Variants in PTPRZ1 observed in about 807,000 individuals in gnomAD.
PTPRZ1 encodes protein tyrosine phosphatase receptor type Z1.
PTPRZ1 carries 82 observed loss-of-function variants against 214.1 expected under a neutral mutation model. That is an observed-to-expected ratio of 0.38 (90% CI 0.32 to 0.46). The LOEUF is 0.46. Among genes scored for constraint, PTPRZ1 ranks in the 20% least tolerant of loss-of-function variants. PTPRZ1 has a pLI of 1.00. For missense variants in PTPRZ1, 2,603 were observed against 2,748.7 expected, an observed-to-expected ratio of 0.95 and a Z score of 1.19; for synonymous variants, 945 against 987.9, an observed-to-expected ratio of 0.96 and a Z score of 0.81.
chr7:121,947,886 A>G (rs1454836309), intron 2 of PTPRZ1, among the ~76,000 whole-genome samples: 1 of 152,156 alleles, frequency 6.6e-6, no homozygotes, highest in Non-Finnish European at 1.5e-5. Context: ...AAACTGGGAC[A>G]CATGAAATGG....
At position 122,010,731 on chromosome 7, in the gene PTPRZ1, C is replaced by T. The variant is rs535885566; in HGVS notation, c.1685C>T (p.Thr562Ile). 2.5e-5 allele frequency: 40 copies of T among 1,613,942 alleles called. 1 individual carries two copies. In the South Asian group the frequency reaches 4.2e-4, roughly 17 times the overall value. Reference sequence around the variant, plus strand: ...TCGGGGACTGCAGAATCCTTAAATACAGTTTCTATAACAGAATATGAGGAG... The same window carrying T: ...TCGGGGACTGCAGAATCCTTAAATATAGTTTCTATAACAGAATATGAGGAG... ...NLSGTAESLN[T>I]VSITEYEEES... The change falls in exon 12 of 30, where the codon ACA becomes ATA. Residue 562 changes from threonine (T) to isoleucine (I), a missense_variant. Physicochemically the swap from Thr to Ile is moderately conservative, Grantham distance 89. Around this residue, in one of 6 missense-constraint regions of PTPRZ1, gnomAD observed 1,913 missense variants for 1,914.3 expected, o/e 1.00. Transcript: ENST00000393386.
intron 19 of PTPRZ1, 54 bp from the exon 20 acceptor site, chr7:122,039,400 C>T (rs1479824520): frequency 1.3e-6 from 2 of 1,587,866 alleles, no homozygotes; most frequent in East Asian, 4.5e-5. Flanking sequence ...CAGGGAATGA[C>T]TTTTACATGG....
chr7:121,977,473 T>C (rs1287004535), intron 6 of PTPRZ1, among the ~76,000 whole-genome samples: 2 of 152,200 alleles, frequency 1.3e-5, no homozygotes, highest in African/African-American at 4.8e-5. Context: ...ATTTTATTTT[T>C]ATTAAGCACT....
chr7:122,052,899 G>A lies in PTPRZ1; in HGVS notation c.6252+960G>A, dbSNP rs1584781148. ...CAGTTTGGTAAGTCTACAGCTAGAG[G>A]TGTGTTTTTAATGAAACTGTTCAAG... On this transcript the variant is annotated intron_variant, in intron 25 of 29. Coordinates refer to ENST00000393386, the MANE Select transcript of PTPRZ1 (RefSeq NM_002851.3). 3.9e-5 allele frequency among the ~76,000 whole-genome samples: 6 copies of A among 152,158 alleles called. No homozygotes were observed. In the South Asian group the frequency reaches 1.2e-3, roughly 32 times the overall value.
In PTPRZ1 at chr7:121,998,291, T is replaced by C. The variant is rs116557327; in HGVS notation, c.1240+285T>C. ...CATTGTAATAATCATTAAATGAAAA[T>C]TGCTATGTAAATGTTGAGACTGTTA... On this transcript the variant is annotated intron_variant, in intron 10 of 29. Transcript: ENST00000393386. Among the ~76,000 whole-genome samples the C allele has an allele frequency of 8.0e-3, 1,222 of 152,194 alleles. 11 individuals carry two copies. The highest frequency in any genetic ancestry group is 0.027 in the African/African-American group (1,134 of 41,524).
At chr7:122,027,212 G>A (rs1448330957) in intron 13 of PTPRZ1, among the ~76,000 whole-genome samples, 2 of 152,130 alleles carry the variant, frequency 1.3e-5, no homozygotes, top group Non-Finnish European at 2.9e-5. Context: ...GGAATGGCAA[G>A]AGTCAAGGCC....
intron 23 of PTPRZ1, among the ~76,000 whole-genome samples, chr7:122,049,291 T>A (rs1412812870): frequency 6.6e-6 from 1 of 152,050 alleles, no homozygotes; most frequent in African/African-American, 2.4e-5. Context: ...AGATAAGGAA[T>A]GTCAATTATT....
intron 1 of PTPRZ1, 138 bp downstream of exon 1, chr7:121,873,695 C>A: frequency 9.3e-7 from 1 of 1,078,188 alleles, no homozygotes; most frequent in Non-Finnish European, 1.4e-6. Context: ...TGGGCTCCCA[C>A]GGAGCGGGCG....
At chr7:122,057,175 A>G (rs1044356780) in intron 27 of PTPRZ1, among the ~76,000 whole-genome samples, 7 of 151,816 alleles carry the variant, frequency 4.6e-5, no homozygotes, top group Non-Finnish European at 8.8e-5. Flanking sequence ...ATCATCTTCA[A>G]CTTTCTTTAA....
intron 1 of PTPRZ1, among the ~76,000 whole-genome samples, chr7:121,894,605 T>C (rs1430846286): frequency 6.6e-6 from 1 of 152,038 alleles, no homozygotes; most frequent in Non-Finnish European, 1.5e-5. Context: ...ACGATTTTGC[T>C]ATGTTGCGTA....
rs201117894 is a variant in PTPRZ1 at position 122,010,948 on chromosome 7, A to G, written c.1902A>G (p.Ser634=). The change falls in exon 12 of 30, where the codon TCA becomes TCG. Residue 634 remains serine (S), a synonymous_variant. Transcript: ENST00000393386. Reference sequence around the variant, plus strand: ...CTGCTAGAAATGCTTCCGAAGATTCAACTTCATCAGGTTCAGAAGAATCAC... The same window carrying G: ...CTGCTAGAAATGCTTCCGAAGATTCGACTTCATCAGGTTCAGAAGAATCAC... ...PESARNASED[S]TSSGSEESLK... is the part of the protein sequence containing the mutation. The G allele has an allele frequency of 1.2e-6, 2 of 1,614,044 alleles. No homozygotes were observed. Among genetic ancestry groups the G allele is most frequent in the Non-Finnish European group, 1.7e-6 (2 of 1,180,026 alleles).
At chr7:121,900,630 T>C (rs1242839845) in intron 1 of PTPRZ1, among the ~76,000 whole-genome samples, 3 of 152,174 alleles carry the variant, frequency 2.0e-5, no homozygotes, top group Non-Finnish European at 2.9e-5. Context: ...ATCTCTAGGA[T>C]ATAGATAAGG....
rs1224805157 is a variant in PTPRZ1, at chr7:122,031,409, T to C, written c.5081-65T>C. 4 of 1,131,436 alleles carry C rather than the reference T, an allele frequency of 3.5e-6. No individual in the cohort carries two copies. In the African/African-American group the frequency reaches 4.6e-5, roughly 13 times the overall value. The allele number at this position is 1,131,436 out of a possible 1,614,324, so 70.1% of individuals were successfully genotyped here. On this transcript the variant is annotated intron_variant, in intron 14 of 29. Coordinates refer to ENST00000393386, the MANE Select transcript of PTPRZ1 (RefSeq NM_002851.3). Reference sequence around the variant, plus strand: ...TGAAGTTGTTTCAGAAGCTACTTTATAAGTGATAGGTACGTTTATTTCTGT... The same window carrying C: ...TGAAGTTGTTTCAGAAGCTACTTTACAAGTGATAGGTACGTTTATTTCTGT...
chr7:122,024,472 G>C (rs1296863530), intron 13 of PTPRZ1, among the ~76,000 whole-genome samples: 7 of 151,992 alleles, frequency 4.6e-5, no homozygotes, highest in Non-Finnish European at 1.0e-4. Flanking sequence ...AACCCAGAAT[G>C]GAGGTCTTCT....
At position 121,895,364 on chromosome 7, in the gene PTPRZ1, A is replaced by G. The variant is rs541915949; in HGVS notation, c.58+21807A>G. On this transcript the variant is annotated intron_variant, in intron 1 of 29. Coordinates refer to ENST00000393386, the MANE Select transcript of PTPRZ1 (RefSeq NM_002851.3). ...TAGATTATTGAATTGTAGGCTTTTA[A>G]GAAATAAGGGGACTTCCAGGAAGTT... Among the ~76,000 whole-genome samples the G allele has an allele frequency of 2.8e-4, 42 of 152,312 alleles. No individual in the cohort carries two copies. In the South Asian group the frequency reaches 6.6e-3, roughly 24 times the overall value.
intron 8 of PTPRZ1, 26 bp downstream of exon 8, chr7:121,984,143 C>T: frequency 7.0e-7 from 1 of 1,426,984 alleles, no homozygotes; most frequent in Non-Finnish European, 9.7e-7. Flanking sequence ...TAATCTTCTA[C>T]AACTCTCATA....
chr7:121,929,740 G>A (rs984499644), intron 2 of PTPRZ1, among the ~76,000 whole-genome samples: 3 of 151,366 alleles, frequency 2.0e-5, no homozygotes, highest in East Asian at 3.9e-4. Flanking sequence ...CCCAGGAGGC[G>A]GAGGTTGCAG....
At chr7:121,967,359 A>T (rs553996663) in intron 2 of PTPRZ1, among the ~76,000 whole-genome samples, 2 of 152,174 alleles carry the variant, frequency 1.3e-5, no homozygotes, top group Admixed American at 1.3e-4. Flanking sequence ...GTTTTTGTAA[A>T]TAAGATCCCA....
chr7:122,044,671 C>A, intron 23 of PTPRZ1, 103 bp downstream of exon 23: 1 of 1,179,604 alleles, frequency 8.5e-7, no homozygotes, highest in Non-Finnish European at 1.2e-6. Flanking sequence ...AGTATGGGTA[C>A]AATGACTTTG....
Sources: gnomAD v4.1 joint callset for allele counts (sites outside exome capture counted in the v4.1 genomes callset) on GRCh38, gnomAD v4.1.1 for gene constraint, gnomAD v4.1.1 regional missense constraint, MANE v1.5 for transcripts, NCBI Gene and HGNC (gene_info 2026-07-23, HGNC 2026-07-21) for gene names.